The following SNX24 variants were observed in gnomAD, a reference collection of about 807,000 sequenced individuals.
SNX24 encodes sorting nexin-24.
Under a neutral mutation model 28.7 loss-of-function variants are expected in SNX24, and 22 were observed. The observed-to-expected ratio is 0.77, with a 90% CI of 0.55 to 1.10. The LOEUF is 1.10. Ranked by LOEUF, SNX24 falls within the 50% of genes least tolerant of loss-of-function variation. The probability of loss-of-function intolerance (pLI) is 0.00; values close to 1 mark genes in which losing one functional copy is unlikely to be tolerated. For missense variants in SNX24, 221 were observed against 201.1 expected (o/e 1.10, Z -0.60); for synonymous variants, 69 against 71.5 (o/e 0.96, Z 0.18).
intron 3 of SNX24, among the ~76,000 whole-genome samples, chr5:122,949,712 T>G (rs1383888616): frequency 6.6e-6 from 1 of 152,194 alleles, no homozygotes; most frequent in African/African-American, 2.4e-5. Context: ...AGTATGAAGG[T>G]TACATAAGTG....
At chr5:122,848,750 C>T (rs535419520) in intron 1 of SNX24, among the ~76,000 whole-genome samples, 3 of 152,144 alleles carry the variant, frequency 2.0e-5, no homozygotes, top group Non-Finnish European at 4.4e-5. Flanking sequence ...CATTACATCA[C>T]ATTCTAACAA....
At chr5:122,941,444 T>A (rs1057464104) in intron 2 of SNX24, among the ~76,000 whole-genome samples, 1 of 152,180 alleles carries the variant, frequency 6.6e-6, no homozygotes, top group Admixed American at 6.5e-5. Context: ...ATGTCGAATG[T>A]CTTTTCCTGT....
chr5:122,949,184 G>C (rs1488512290), intron 3 of SNX24, among the ~76,000 whole-genome samples: 2 of 152,116 alleles, frequency 1.3e-5, no homozygotes, highest in African/African-American at 4.8e-5. Context: ...TTATTCCTTT[G>C]CTGGTCACCA....
chr5:122,925,406 C>T (rs1169832402), intron 1 of SNX24, among the ~76,000 whole-genome samples: 3 of 150,716 alleles, frequency 2.0e-5, no homozygotes, highest in African/African-American at 4.9e-5. Context: ...ATCTCAGGCA[C>T]GTGCCACCAT....
intron 3 of SNX24, among the ~76,000 whole-genome samples, chr5:122,973,598 C>A (rs1331997271): frequency 6.6e-6 from 1 of 152,188 alleles, no homozygotes; most frequent in African/African-American, 2.4e-5. Context: ...TTACTTGTGC[C>A]TTCAGGACCT....
chr5:122,950,736 C>T (rs1385061951), intron 3 of SNX24, among the ~76,000 whole-genome samples: 1 of 152,078 alleles, frequency 6.6e-6, no homozygotes, highest in East Asian at 1.9e-4. Context: ...TCAAAGCCTG[C>T]TCCTGAAGAT....
intron 5 of SNX24, among the ~76,000 whole-genome samples, chr5:123,015,439 A>G (rs1762663152): frequency 6.6e-6 from 1 of 152,212 alleles, no homozygotes; most frequent in African/African-American, 2.4e-5. Context: ...TTATGTAACT[A>G]CATATTTGGA....
At chr5:122,891,120 T>C in intron 1 of SNX24, 2 of 1,506,706 alleles carry the variant, frequency 1.3e-6, no homozygotes, top group Non-Finnish European at 1.8e-6. Flanking sequence ...AAGACTTACA[T>C]ATCAGGTATT....
At chr5:123,023,577 G>GA (rs942504488) in intron 5 of SNX24, 21 of 197,434 alleles carry the variant, frequency 1.1e-4, no homozygotes, top group South Asian at 2.4e-4. Context: ...AATGAATTCA[G>GA]AAAAAAAATA....
At chr5:122,882,212 A>G (rs944856934) in intron 1 of SNX24, among the ~76,000 whole-genome samples, 1 of 152,086 alleles carries the variant, frequency 6.6e-6, no homozygotes, top group African/African-American at 2.4e-5. Flanking sequence ...CAGCCTCCCA[A>G]AATGCTGGTA....
intron 2 of SNX24, among the ~76,000 whole-genome samples, chr5:122,937,944 G>C (rs953058145): frequency 1.3e-5 from 2 of 152,076 alleles, no homozygotes; most frequent in African/African-American, 4.8e-5. Flanking sequence ...GGTTTCTTCT[G>C]GGTACCTGAT....
intron 5 of SNX24, among the ~76,000 whole-genome samples, chr5:123,021,511 A>G (rs1363448644): frequency 6.6e-6 from 1 of 152,222 alleles, no homozygotes; most frequent in Admixed American, 6.5e-5. Flanking sequence ...GATCTCCCTT[A>G]CAATTTTGGA....
In SNX24 at chr5:122,878,395, G is replaced by A. The variant is rs530743372; in HGVS notation, c.60+32702G>A. Among the ~76,000 whole-genome samples, 3 of 152,298 alleles carry A rather than the reference G, an allele frequency of 2.0e-5. No homozygotes were observed. The South Asian group carries it at 6.2e-4, about 32-fold the overall frequency. On this transcript the variant is annotated intron_variant, in intron 1 of 6. Transcript: ENST00000261369. The stretch of plus-strand genomic sequence containing the variant: ...CGGATTAAGAAAGCTGGGAGAGAGT[G>A]AGGACCCTGCCAGATGCTTTGACTA...
At chr5:122,983,865 T>C (rs1452439590) in intron 3 of SNX24, among the ~76,000 whole-genome samples, 1 of 152,234 alleles carries the variant, frequency 6.6e-6, no homozygotes, top group East Asian at 1.9e-4. Flanking sequence ...CTTCTATTTA[T>C]ATTTAGAGTG....
chr5:122,937,214 C>T (rs1459014181), intron 2 of SNX24, among the ~76,000 whole-genome samples: 2 of 152,176 alleles, frequency 1.3e-5, no homozygotes, highest in South Asian at 2.1e-4. Context: ...CTTATACTTA[C>T]ATGTACCTGG....
intron 6 of SNX24, among the ~76,000 whole-genome samples, chr5:123,003,901 ATC>A (rs1280788226): frequency 2.6e-5 from 4 of 152,210 alleles, no homozygotes; most frequent in African/African-American, 9.6e-5. Flanking sequence ...CAGTCACCAG[ATC>A]TGTTTTCTTG....
At chr5:122,964,209 C>A (rs1760614553) in intron 3 of SNX24, among the ~76,000 whole-genome samples, 1 of 144,912 alleles carries the variant, frequency 6.9e-6, no homozygotes, top group Non-Finnish European at 1.5e-5. Context: ...TGCCATTGCA[C>A]TCCCTCCAGC....
chr5:122,854,523 A>C (rs1755087777), intron 1 of SNX24, among the ~76,000 whole-genome samples: 2 of 151,310 alleles, frequency 1.3e-5, no homozygotes, highest in Admixed American at 6.6e-5. Context: ...AACAAAAAAA[A>C]AAAACAAAAA....
At chr5:122,845,729 GC>G in intron 1 of SNX24, 36 bp downstream of exon 1, 1 of 1,288,738 alleles carries the variant, frequency 7.8e-7, no homozygotes, top group Non-Finnish European at 1.0e-6. Flanking sequence ...GGCCCCGCGA[GC>G]CAGGCCTGCG....
Sources: allele counts gnomAD v4.1 joint callset (sites outside exome capture counted in the v4.1 genomes callset), GRCh38; gene constraint gnomAD v4.1.1; transcripts MANE v1.5; gene names NCBI Gene and HGNC (gene_info 2026-07-23, HGNC 2026-07-21).